MAP3K13: variants seen among roughly 807,000 people sequenced by gnomAD.
MAP3K13 encodes the protein leucine zipper-bearing kinase.
MAP3K13 carries 52 observed loss-of-function variants against 104.0 expected under a neutral mutation model. The ratio of observed to expected loss-of-function variants is 0.50; its 90% CI spans 0.40 to 0.63. MAP3K13 has a LOEUF of 0.63. MAP3K13 is among the 20% of genes least tolerant of loss of function. The probability of loss-of-function intolerance (pLI) is 0.00; values close to 1 mark genes in which losing one functional copy is unlikely to be tolerated. For synonymous variants in MAP3K13, 394 were observed against 442.2 expected (o/e 0.89, Z 1.37); for missense variants, 914 against 1,218.5 (o/e 0.75, Z 3.72).
In MAP3K13 at chr3:185,418,032, G is replaced by C. The variant is rs911063235; in HGVS notation, c.-85-10465G>C. 19 of 1,611,776 alleles carry C rather than the reference G, an allele frequency of 1.2e-5. No individual in the cohort carries two copies. Among genetic ancestry groups the C allele is most frequent in the Non-Finnish European group, 1.4e-5 (16 of 1,179,720 alleles). ...GGAAAGCACTTTCAGTCCAAATGCA[G>C]AAACGTCCCACATGCCCACCAGGAG... On this transcript the variant is annotated intron_variant, in intron 1 of 13. Transcript: ENST00000265026. This position sits in a 1 kb window ranked among gnomAD's most constrained non-coding sequence, Gnocchi z 4.5.
At chr3:185,457,170 A>G (rs574764979) in intron 7 of MAP3K13, among the ~76,000 whole-genome samples, 5 of 152,022 alleles carry the variant, frequency 3.3e-5, no homozygotes, top group East Asian at 3.9e-4. Context: ...CTCCCAGATT[A>G]TCAAGACACC....
chr3:185,291,826 C>T, intron 2 of MAP3K13: 1 of 1,261,706 alleles, frequency 7.9e-7, no homozygotes, highest in Non-Finnish European at 9.9e-7. Context: ...TCTGACTTCT[C>T]TTCAATTTCC....
chr3:185,345,586 A>G lies in MAP3K13; in HGVS notation c.-86+59943A>G, dbSNP rs1722892760. Among the ~76,000 whole-genome samples, 2 of 152,254 alleles carry G rather than the reference A, an allele frequency of 1.3e-5. 1 individual carries two copies. Among genetic ancestry groups the G allele is most frequent in the South Asian group, 4.1e-4 (2 of 4,822 alleles). On this transcript the variant is annotated intron_variant, in intron 2 of 14. Coordinates refer to the MAP3K13 transcript ENST00000424227. Reference sequence around the variant, plus strand: ...AGATTTTCATAGGAGCAGGAAACCTATTGTGAACTGCACATGTGACAGATC... The same window carrying G: ...AGATTTTCATAGGAGCAGGAAACCTGTTGTGAACTGCACATGTGACAGATC...
chr3:185,469,588 T>G (rs1027935294), intron 10 of MAP3K13, among the ~76,000 whole-genome samples: 2 of 152,184 alleles, frequency 1.3e-5, no homozygotes, highest in Non-Finnish European at 2.9e-5. Flanking sequence ...CCTTAATACC[T>G]GGAACTTCCA....
At chr3:185,318,548 A>C (rs1478377767) in intron 2 of MAP3K13, among the ~76,000 whole-genome samples, 1 of 152,208 alleles carries the variant, frequency 6.6e-6, no homozygotes, top group Non-Finnish European at 1.5e-5. Context: ...TAATGTTAAA[A>C]TTCTCACATA....
intron 2 of MAP3K13, among the ~76,000 whole-genome samples, chr3:185,297,727 T>A (rs1389524974): frequency 7.9e-5 from 9 of 113,486 alleles, no homozygotes; most frequent in African/African-American, 3.7e-5. Context: ...ACAGTGAGAC[T>A]CCGTCTCAAA....
chr3:185,320,657 T>G (rs1577420950), intron 2 of MAP3K13, among the ~76,000 whole-genome samples: 1 of 152,206 alleles, frequency 6.6e-6, no homozygotes, highest in African/African-American at 2.4e-5. Flanking sequence ...CATAGACAAA[T>G]GTAAAAGAAA....
intron 2 of MAP3K13, among the ~76,000 whole-genome samples, chr3:185,341,448 C>G (rs1394234970): frequency 1.3e-5 from 2 of 152,288 alleles, no homozygotes; most frequent in East Asian, 3.9e-4. Context: ...TTTTGGAGTT[C>G]TAGCCTCTAG....
rs190005931 is a variant in MAP3K13, at chr3:185,287,106, G to T, written c.-86+1463G>T. 1.1e-4 allele frequency among the ~76,000 whole-genome samples: 17 copies of T among 152,180 alleles called. No individual in the cohort carries two copies. In the East Asian group the frequency reaches 3.1e-3, roughly 28 times the overall value. On this transcript the variant is annotated intron_variant, in intron 2 of 14. Transcript: ENST00000424227. ...CTTGACGTTAGATTGTTACTATTAAGATCTTAAGAATACTCAGTGCTTAGT... is the reference window on the plus strand; with the variant it reads ...CTTGACGTTAGATTGTTACTATTAATATCTTAAGAATACTCAGTGCTTAGT...
At position 185,363,267 on chromosome 3, in the gene MAP3K13, C is replaced by T. The variant is rs944265887; in HGVS notation, c.-187C>T. The stretch of plus-strand genomic sequence containing the variant: ...CTGGAGGATTGTGTGGGTGGAATCC[C>T]CCTCCCCTTTATTTTTCCAATTCTG... On this transcript the variant is annotated 5_prime_UTR_variant, in exon 1 of 14. Coordinates refer to ENST00000265026, the MANE Select transcript of MAP3K13 (RefSeq NM_004721.5). 11 of 985,086 alleles carry T rather than the reference C, an allele frequency of 1.1e-5. No individual in the cohort carries two copies. The highest frequency in any genetic ancestry group is 1.7e-5 in the African/African-American group (1 of 57,204). The allele number at this position is 985,086 out of a possible 1,614,324, so 61.0% of individuals were successfully genotyped here. A position where few individuals can be genotyped will look rare whatever the true frequency, so the allele number is the denominator to read the frequency against.
chr3:185,373,788 C>CATT (rs1724278021), intron 1 of MAP3K13, among the ~76,000 whole-genome samples: 1 of 149,908 alleles, frequency 6.7e-6, no homozygotes, highest in Non-Finnish European at 1.5e-5. Flanking sequence ...GACATGTTCT[C>CATT]AACCTGGTTA....
chr3:185,366,728 A>G (rs977741923), intron 1 of MAP3K13, among the ~76,000 whole-genome samples: 3 of 152,218 alleles, frequency 2.0e-5, no homozygotes, highest in South Asian at 2.1e-4. Context: ...GGCCATCTGT[A>G]TATCTTCTTT....
chr3:185,325,945 C>T (rs900656246), intron 2 of MAP3K13, among the ~76,000 whole-genome samples: 16 of 152,214 alleles, frequency 1.1e-4, no homozygotes, highest in African/African-American at 3.9e-4. Context: ...GGCTGAAACA[C>T]TGTTCCTTTC....
At chr3:185,352,653 CT>C (rs780566819) in intron 2 of MAP3K13, among the ~76,000 whole-genome samples, 5 of 152,172 alleles carry the variant, frequency 3.3e-5, no homozygotes, top group Non-Finnish European at 5.9e-5. Context: ...ATTTATCCCT[CT>C]GTGTAAATAC....
chr3:185,376,841 AG>A (rs1332348815), intron 1 of MAP3K13, among the ~76,000 whole-genome samples: 2 of 152,192 alleles, frequency 1.3e-5, no homozygotes, highest in Admixed American at 1.3e-4. Flanking sequence ...ATGTCGAGAT[AG>A]GTAATGGATG....
intron 2 of MAP3K13, among the ~76,000 whole-genome samples, chr3:185,314,381 C>G (rs926773865): frequency 1.4e-4 from 22 of 151,854 alleles, no homozygotes; most frequent in African/African-American, 5.3e-4. Flanking sequence ...TTTGGGAGGC[C>G]GAGGTGGGTG....
At chr3:185,382,701 T>C (rs894007392) in intron 1 of MAP3K13, among the ~76,000 whole-genome samples, 3 of 152,058 alleles carry the variant, frequency 2.0e-5, no homozygotes, top group Middle Eastern at 6.8e-3. Flanking sequence ...AAGAGCTGGT[T>C]GTTAAAAAAG....
In MAP3K13 at chr3:185,315,204, CG is replaced by C. The variant is rs1422801466; in HGVS notation, c.-86+29562del. On this transcript the variant is annotated intron_variant, in intron 2 of 14. Coordinates refer to the MAP3K13 transcript ENST00000424227. This position sits in a 1 kb window ranked among gnomAD's most constrained non-coding sequence, Gnocchi z 4.3. Reference sequence around the variant, plus strand: ...GGCGGAGGTTGCAGTGAGCTGAGATCGCACCACTGCACTCCAGCCTGGGTGA... The same window carrying C: ...GGCGGAGGTTGCAGTGAGCTGAGATCCACCACTGCACTCCAGCCTGGGTGA... Among the ~76,000 whole-genome samples, 1 of 151,816 alleles carries C rather than the reference CG, an allele frequency of 6.6e-6. No homozygotes were observed. The highest frequency in any genetic ancestry group is 1.5e-5 in the Non-Finnish European group (1 of 67,978).
rs1489117059 is a variant in MAP3K13 at position 185,434,403 on chromosome 3, C to T, written c.476-3044C>T. ...AAGAATTGATAACACTTACTGCCAA[C>T]ATGTTCATACCTTGCTATTGTGAGC... On this transcript the variant is annotated intron_variant, in intron 2 of 13. Coordinates refer to ENST00000265026, the MANE Select transcript of MAP3K13 (RefSeq NM_004721.5). Among the ~76,000 whole-genome samples, 5 of 152,312 alleles carry T rather than the reference C, an allele frequency of 3.3e-5. 1 individual carries two copies. Among genetic ancestry groups the T allele is most frequent in the Non-Finnish European group, 1.5e-5 (1 of 68,022 alleles).
Sources: allele counts gnomAD v4.1 joint callset (sites outside exome capture counted in the v4.1 genomes callset), GRCh38; gene constraint gnomAD v4.1.1; non-coding constraint Gnocchi (gnomAD v3.1); transcripts MANE v1.5; gene names NCBI Gene and HGNC (gene_info 2026-07-23, HGNC 2026-07-21).